STIL: variants seen among roughly 807,000 people sequenced by gnomAD.
STIL encodes the protein SCL-interrupting locus protein.
Under a neutral mutation model 110.1 loss-of-function variants are expected in STIL, and 55 were observed. That is an observed-to-expected ratio of 0.50 (90% CI 0.40 to 0.63). STIL has a LOEUF of 0.63. Ranked by LOEUF, STIL falls within the 20% of genes least tolerant of loss-of-function variation. The pLI, the probability that STIL is intolerant of heterozygous loss-of-function variation, is 0.00. For missense variants in STIL, 1,358 were observed against 1,530.0 expected, an observed-to-expected ratio of 0.89 and a Z score of 1.87; for synonymous variants, 481 against 530.0, an observed-to-expected ratio of 0.91 and a Z score of 1.27.
intron 14 of STIL, among the ~76,000 whole-genome samples, chr1:47,265,255 A>AC (rs1377237524): frequency 6.6e-6 from 1 of 150,736 alleles, no homozygotes; most frequent in African/African-American, 2.4e-5. Flanking sequence ...AAAAAAAAAA[A>AC]AAAAACACAA....
At chr1:47,309,828 A>G (rs1646070021) in intron 2 of STIL, among the ~76,000 whole-genome samples, 1 of 152,194 alleles carries the variant, frequency 6.6e-6, no homozygotes, top group Admixed American at 6.6e-5. Context: ...ATTCCCATCA[A>G]GGAATCAGTA....
chr1:47,283,138 T>G (rs1645197710), intron 10 of STIL: 1 of 152,198 alleles, frequency 6.6e-6, no homozygotes, highest in Non-Finnish European at 1.5e-5. Flanking sequence ...AAAGCCAGAA[T>G]GAAAGCTAAC....
At position 47,263,057 on chromosome 1, in the gene STIL, T is replaced by G. The variant is rs1323407544; in HGVS notation, c.2675A>C (p.Gln892Pro). The part of the protein sequence containing the change: ...PDVPVFFPSG[Q>P]LAESVSMCLQ... ...ACACATGCTTACACTTTCTGCCAGC[T>G]GGCCACTTGGAAAGAACACAGGTAC... is the stretch of plus-strand genomic sequence containing the variant. The change falls in exon 15 of 17, where the codon CAG becomes CCG. Residue 892 changes from glutamine (Q) to proline (P), a missense_variant. Gln to Pro is a moderately conservative substitution (Grantham distance 76). Coordinates refer to ENST00000371877, the MANE Select transcript of STIL (RefSeq NM_001048166.1). 6.2e-7 allele frequency: 1 copy of G among 1,614,226 alleles called. No homozygotes were observed. The highest frequency in any genetic ancestry group is 2.2e-5 in the East Asian group (1 of 44,880).
chr1:47,278,313 A>G (rs1469000469), intron 12 of STIL, among the ~76,000 whole-genome samples: 1 of 152,170 alleles, frequency 6.6e-6, no homozygotes, highest in African/African-American at 2.4e-5. Context: ...ATATATACTT[A>G]TATAAAAAAT....
chr1:47,254,611 G>A (rs2148657063), intron 16 of STIL, among the ~76,000 whole-genome samples: 1 of 152,016 alleles, frequency 6.6e-6, no homozygotes, highest in Non-Finnish European at 1.5e-5. Context: ...GCTCACCATG[G>A]CATCGACCTC....
Position 47,260,394 on chromosome 1 carries a change from T to C in STIL, c.2975A>G (p.Lys992Arg). The C allele has an allele frequency of 6.2e-7, 1 of 1,614,210 alleles. No individual in the cohort carries two copies. Among genetic ancestry groups the C allele is most frequent in the Non-Finnish European group, 8.5e-7 (1 of 1,180,036 alleles). ...AAGAGTTGCATTAAGGACACAATCT[T>C]TGTCCACCAGTCTTGAATGATGTGT... is the stretch of plus-strand genomic sequence containing the variant. ...KKTHHSRLVD[K>R]DCVLNATLKQ... Residue 992 changes from lysine (K) to arginine (R), a missense_variant, in exon 16 of 17, where the codon AAA becomes AGA. Transcript: ENST00000371877.
intron 15 of STIL, among the ~76,000 whole-genome samples, 193 bp downstream of exon 15, chr1:47,262,710 A>G (rs1644519845): frequency 1.3e-5 from 2 of 152,178 alleles, no homozygotes; most frequent in South Asian, 4.1e-4. Flanking sequence ...CTAAGTACTT[A>G]AGTATGTTTA....
intron 14 of STIL, 46 bp downstream of exon 14, chr1:47,269,589 A>AT (rs756396287): frequency 4.6e-6 from 7 of 1,523,198 alleles, no homozygotes; most frequent in South Asian, 1.2e-5. Context: ...ATCAAAAAAA[A>AT]TTTTTTTTGA....
At chr1:47,289,784 A>G (rs1401100274) in intron 8 of STIL, among the ~76,000 whole-genome samples, 199 bp from the exon 9 acceptor site, 7 of 152,098 alleles carry the variant, frequency 4.6e-5, no homozygotes, top group Admixed American at 2.0e-4. Flanking sequence ...AGCCTTGTCA[A>G]CATAGTGAGA....
At chr1:47,304,417 T>A (rs1314062991) in intron 3 of STIL, among the ~76,000 whole-genome samples, 1 of 152,186 alleles carries the variant, frequency 6.6e-6, no homozygotes, top group Non-Finnish European at 1.5e-5. Flanking sequence ...CCATAATCTA[T>A]CCTTCTTAGA....
At chr1:47,271,263 A>G (rs1027750524) in intron 13 of STIL, among the ~76,000 whole-genome samples, 1 of 152,198 alleles carries the variant, frequency 6.6e-6, no homozygotes, top group Non-Finnish European at 1.5e-5. Context: ...AATGGTTTAA[A>G]CAGATGGTTA....
chr1:47,279,739 A>AAAAAC (rs1645101734), intron 12 of STIL, among the ~76,000 whole-genome samples: 1 of 151,546 alleles, frequency 6.6e-6, no homozygotes, highest in African/African-American at 2.4e-5. Flanking sequence ...AAAAAAAAAA[A>AAAAAC]AAAAAACAAC....
At chr1:47,309,987 G>A (rs1470410708) in intron 2 of STIL, among the ~76,000 whole-genome samples, 1 of 152,178 alleles carries the variant, frequency 6.6e-6, no homozygotes, top group Non-Finnish European at 1.5e-5. Context: ...GACGGAACTA[G>A]TATTTACTGA....
In STIL at chr1:47,304,182, TTTTTA is replaced by T. The variant is rs563404790; in HGVS notation, c.152+702_152+706del. Among the ~76,000 whole-genome samples, 874 of 151,726 alleles carry T rather than the reference TTTTTA, an allele frequency of 5.8e-3. 8 individuals carry two copies. Among genetic ancestry groups the T allele is most frequent in the African/African-American group, 0.02 (825 of 41,372 alleles). ...TTCCTTATTTTGTTTTTTTTTTTACTTTTTATTTTAATTTTTTATTGAGACAAGGT... is the reference window on the plus strand; with the variant it reads ...TTCCTTATTTTGTTTTTTTTTTTACTTTTTAATTTTTTATTGAGACAAGGT... On this transcript the variant is annotated intron_variant, in intron 3 of 16. Transcript: ENST00000371877.
intron 14 of STIL, among the ~76,000 whole-genome samples, chr1:47,265,251 A>AAAAAAAC (rs1644610120): frequency 6.7e-6 from 1 of 148,162 alleles, no homozygotes; most frequent in Admixed American, 6.7e-5. Context: ...AAAAAAAAAA[A>AAAAAAAC]AAAAAAAAAC....
rs1644453253 is a variant in STIL, at chr1:47,260,488, A to T, written c.2881T>A (p.Ser961Thr). The T allele has an allele frequency of 6.2e-7, 1 of 1,614,042 alleles. No individual in the cohort carries two copies. The highest frequency in any genetic ancestry group is 1.1e-5 in the South Asian group (1 of 91,092). Reference protein sequence around the residue: ...NSSSKETEQPSTKAVIISHEC... With the variant: ...NSSSKETEQPTTKAVIISHEC... ...TGACTGATAATTACTGCTTTGGTAG[A>T]CGGCTGCTCAGTTTCCTTGGAGGAA... The change falls in exon 16 of 17, where the codon TCT becomes ACT. Residue 961 changes from serine to threonine, a missense_variant. Transcript: ENST00000371877.
In STIL at chr1:47,262,995, A is replaced by T; in HGVS notation, c.2737T>A (p.Ser913Thr). Residue 913 changes from serine to threonine, a missense_variant, in exon 15 of 17, where the codon TCT (serine) becomes ACT (threonine). Transcript: ENST00000371877. ...ATTTTTGGTTCCTCTGATGTTTCAG[A>T]ATTGTTACTGGCACCCCCTGTTGGT... ...TGPTGGASNN[S>T]ETSEEPKIEH... The T allele has an allele frequency of 1.9e-6, 3 of 1,614,200 alleles. No homozygotes were observed. Among genetic ancestry groups the T allele is most frequent in the Non-Finnish European group, 2.5e-6 (3 of 1,180,030 alleles).
chr1:47,255,452 G>A lies in STIL; in HGVS notation c.3081-3530C>T, dbSNP rs1644300929. On this transcript the variant is annotated intron_variant, in intron 16 of 16. Coordinates refer to ENST00000371877, the MANE Select transcript of STIL (RefSeq NM_001048166.1). ...AGTCCCAGCTACTCAGGAAGCTAAA[G>A]TGGGAGGATCACTTGAGCCCAGGAG... Among the ~76,000 whole-genome samples, 9 of 151,912 alleles carry A rather than the reference G, an allele frequency of 5.9e-5. No homozygotes were observed. In the South Asian group the frequency reaches 1.9e-3, roughly 32 times the overall value.
In STIL at chr1:47,304,962, G is replaced by T. The variant is rs1261899169; in HGVS notation, c.79C>A (p.Pro27Thr). The part of the protein sequence containing the change: ...PSSRMVPFHF[P>T]PSKCALWNPT... ...TTCCAAAGTGCACATTTTGATGGAG[G>T]AAAGTGGAAAGGTACCATCCTGCTT... Residue 27 changes from proline (P) to threonine (T), a missense_variant, in exon 3 of 17, where the codon CCT (proline) becomes ACT (threonine). Coordinates refer to ENST00000371877, the MANE Select transcript of STIL (RefSeq NM_001048166.1). The T allele has an allele frequency of 6.2e-7, 1 of 1,613,924 alleles. No individual in the cohort carries two copies. Among genetic ancestry groups the T allele is most frequent in the Admixed American group, 1.7e-5 (1 of 59,992 alleles).
Sources: allele counts gnomAD v4.1 joint callset (sites outside exome capture counted in the v4.1 genomes callset), GRCh38; gene constraint gnomAD v4.1.1; transcripts MANE v1.5; gene names NCBI Gene and HGNC (gene_info 2026-07-23, HGNC 2026-07-21).